Variants in RAB27A observed in about 807,000 individuals in gnomAD.
RAB27A encodes the protein ras-related protein Rab-27A.
RAB27A carries 17 observed loss-of-function variants against 20.8 expected under a neutral mutation model. The ratio of observed to expected loss-of-function variants is 0.82; its 90% CI spans 0.56 to 1.23. The LOEUF (loss-of-function observed/expected upper bound fraction) is 1.23. Ranked by LOEUF, RAB27A falls within the 50% of genes most tolerant of loss-of-function variation. The probability of loss-of-function intolerance (pLI) is 0.00; values close to 1 mark genes in which losing one functional copy is unlikely to be tolerated. For missense variants in RAB27A, 277 were observed against 266.7 expected (o/e 1.04, Z -0.27); for synonymous variants, 85 against 92.8 (o/e 0.92, Z 0.48).
chr15:55,293,842 G>C (rs963649507), upstream of RAB27A, among the ~76,000 whole-genome samples: 1 of 152,074 alleles, frequency 6.6e-6, no homozygotes, highest in Non-Finnish European at 1.5e-5. Flanking sequence ...GCTTGAACCC[G>C]GGAGGTGGAG....
intron 2 of RAB27A, among the ~76,000 whole-genome samples, chr15:55,306,748 T>C (rs1438310819): frequency 6.6e-6 from 1 of 152,186 alleles, no homozygotes; most frequent in East Asian, 1.9e-4. Flanking sequence ...CATCAATATG[T>C]CTGGGACGCC....
At chr15:55,224,039 T>G (rs767047764) in intron 5 of RAB27A, 27 bp from the exon 6 acceptor site, 9 of 1,498,176 alleles carry the variant, frequency 6.0e-6, no homozygotes, top group Non-Finnish European at 5.6e-6. Flanking sequence ...GTTTATTATA[T>G]ATGTAAATAA....
At chr15:55,305,992 A>C (rs1004067351) in intron 2 of RAB27A, among the ~76,000 whole-genome samples, 5 of 152,086 alleles carry the variant, frequency 3.3e-5, no homozygotes, top group Admixed American at 1.3e-4. Context: ...TTCAGTGTAG[A>C]TGGTCATGGG....
At chr15:55,272,292 G>C (rs1037974295) in intron 1 of RAB27A, among the ~76,000 whole-genome samples, 12 of 152,124 alleles carry the variant, frequency 7.9e-5, no homozygotes, top group African/African-American at 2.9e-4. Context: ...CCAGCTACCC[G>C]GGAGGCTGAG....
intron 6 of RAB27A, among the ~76,000 whole-genome samples, chr15:55,219,525 A>T (rs1895466411): frequency 6.6e-6 from 1 of 152,216 alleles, no homozygotes; most frequent in Admixed American, 6.5e-5. Flanking sequence ...ATCAGTATAC[A>T]TTTGTGGGCT....
intron 2 of RAB27A, among the ~76,000 whole-genome samples, chr15:55,239,077 G>A (rs2141001911): frequency 6.6e-6 from 1 of 152,252 alleles, no homozygotes; most frequent in South Asian, 2.1e-4. Context: ...GCTCTGACTT[G>A]GACATGCAGG....
intron 6 of RAB27A, among the ~76,000 whole-genome samples, chr15:55,215,945 C>CAAAAAAAAA (rs1162706734): frequency 1.5e-4 from 8 of 52,864 alleles, no homozygotes; most frequent in African/African-American, 2.8e-4. Flanking sequence ...GACGCCGTCT[C>CAAAAAAAAA]AAAAAAAAAA....
chr15:55,274,099 T>C (rs148112454), intron 1 of RAB27A, among the ~76,000 whole-genome samples: 11 of 152,178 alleles, frequency 7.2e-5, no homozygotes, highest in Non-Finnish European at 5.9e-5. Context: ...GGAAGAAAAC[T>C]GAAAAATTCA....
intron 6 of RAB27A, among the ~76,000 whole-genome samples, chr15:55,220,256 TG>T (rs1378887869): frequency 4.7e-5 from 7 of 148,722 alleles, no homozygotes; most frequent in African/African-American, 1.8e-4. Flanking sequence ...TTTGTTTGTT[TG>T]TTTTTGTTTG....
Position 55,233,137 on chromosome 15 carries a change from G to GA in RAB27A, c.153+1644dup, listed in dbSNP as rs1301295715. Among the ~76,000 whole-genome samples, 12 of 150,212 alleles carry GA rather than the reference G, an allele frequency of 8.0e-5. No homozygotes were observed. The East Asian group carries it at 1.4e-3, about 17-fold the overall frequency. On this transcript the variant is annotated intron_variant, in intron 3 of 6. Coordinates refer to ENST00000336787, the MANE Select transcript of RAB27A (RefSeq NM_183235.3). ...GAGACCCTGTCTCAAAAAGAAAAAAGAAAAAAAAATTAACTGCATACAGCA... is the reference window on the plus strand; with the variant it reads ...GAGACCCTGTCTCAAAAAGAAAAAAGAAAAAAAAAATTAACTGCATACAGCA...
At chr15:55,302,749 A>G (rs199804371) in intron 2 of RAB27A, among the ~76,000 whole-genome samples, 35,501 of 100,594 alleles carry the variant, frequency 0.35, 7,638 homozygotes, top group African/African-American at 0.68. Flanking sequence ...TGTGAGGAGC[A>G]CCTCTGCCCG....
At chr15:55,210,039 T>C (rs550433444) in intron 6 of RAB27A, among the ~76,000 whole-genome samples, 1 of 144,620 alleles carries the variant, frequency 6.9e-6, no homozygotes, top group South Asian at 2.2e-4. Context: ...TATGTGTGTG[T>C]ACATGTACAT....
At chr15:55,300,699 G>A (rs1239255657) in intron 2 of RAB27A, among the ~76,000 whole-genome samples, 2 of 152,046 alleles carry the variant, frequency 1.3e-5, no homozygotes, top group Non-Finnish European at 2.9e-5. Flanking sequence ...AAATGGGGAG[G>A]GTGTTTCTTG....
intron 2 of RAB27A, among the ~76,000 whole-genome samples, chr15:55,240,052 C>T (rs1169192322): frequency 6.6e-6 from 1 of 152,102 alleles, no homozygotes; most frequent in African/African-American, 2.4e-5. Context: ...TAGGTGAAGA[C>T]AATTTAATGT....
intron 1 of RAB27A, among the ~76,000 whole-genome samples, chr15:55,281,726 A>G (rs1369265073): frequency 6.6e-6 from 1 of 151,508 alleles, no homozygotes; most frequent in African/African-American, 2.4e-5. Context: ...GGAAGGGAGA[A>G]GGGAAGGGGG....
At chr15:55,211,693 T>A (rs1345601928) in intron 6 of RAB27A, among the ~76,000 whole-genome samples, 1 of 152,190 alleles carries the variant, frequency 6.6e-6, no homozygotes, top group Non-Finnish European at 1.5e-5. Context: ...AAAGCAGGCC[T>A]GTGGCAAGAA....
At chr15:55,211,958 C>A (rs1222943574) in intron 6 of RAB27A, among the ~76,000 whole-genome samples, 1 of 124,346 alleles carries the variant, frequency 8.0e-6, no homozygotes, top group Non-Finnish European at 1.7e-5. Context: ...GGACTATAAC[C>A]TTTTTTTTTT....
intron 2 of RAB27A, among the ~76,000 whole-genome samples, chr15:55,255,808 G>A (rs74015549): frequency 0.045 from 6,832 of 152,138 alleles, 532 homozygotes; most frequent in African/African-American, 0.16. Flanking sequence ...TACGAAAAAG[G>A]ACGGATAAGA....
chr15:55,301,978 G>C (rs1237089652), intron 2 of RAB27A, among the ~76,000 whole-genome samples: 1 of 151,884 alleles, frequency 6.6e-6, no homozygotes, highest in Non-Finnish European at 1.5e-5. Flanking sequence ...ACGGCCGGGG[G>C]CAGTGGCCTG....
Sources: allele counts gnomAD v4.1 joint callset (sites outside exome capture counted in the v4.1 genomes callset), GRCh38; gene constraint gnomAD v4.1.1; transcripts MANE v1.5; gene names NCBI Gene and HGNC (gene_info 2026-07-23, HGNC 2026-07-21).